Variants in TAFA5 observed in about 807,000 individuals in gnomAD.
The protein encoded by TAFA5 is chemokine-like protein TAFA-5.
In TAFA5, 6 loss-of-function variants were observed where a neutral mutation model predicts 15.3. The ratio of observed to expected loss-of-function variants is 0.39; its 90% CI spans 0.21 to 0.77. The LOEUF (loss-of-function observed/expected upper bound fraction) is 0.77. Ranked by LOEUF, TAFA5 falls within the 30% of genes least tolerant of loss-of-function variation. The pLI is 0.41. For synonymous variants in TAFA5, 103 were observed against 80.7 expected (o/e 1.28, Z -1.48); for missense variants, 161 against 193.1 (o/e 0.83, Z 0.98).
Position 48,722,423 on chromosome 22 carries a change from G to A in TAFA5, c.390+14579G>A, listed in dbSNP as rs528994031. Among the ~76,000 whole-genome samples the A allele has an allele frequency of 3.9e-5, 6 of 152,302 alleles. No homozygotes were observed. The East Asian group carries it at 1.2e-3, about 29-fold the overall frequency. On this transcript the variant is annotated intron_variant, in intron 3 of 3. Coordinates refer to ENST00000402357, the MANE Select transcript of TAFA5 (RefSeq NM_001082967.3). The stretch of plus-strand genomic sequence containing the variant: ...CCTTTGCAGGGACATAGATGAAACT[G>A]GAAACCATCATTCTCAGCAAACTAA...
At chr22:48,630,924 G>A (rs1465149860) in intron 1 of TAFA5, among the ~76,000 whole-genome samples, 1 of 152,206 alleles carries the variant, frequency 6.6e-6, no homozygotes, top group Non-Finnish European at 1.5e-5. Context: ...GGGGGAGCCC[G>A]GCGTGCGTGC....
At position 48,552,823 on chromosome 22, in the gene TAFA5, C is replaced by T. The variant is rs1922903177; in HGVS notation, c.112+63119C>T. On this transcript the variant is annotated intron_variant, in intron 1 of 3. Coordinates refer to ENST00000402357, the MANE Select transcript of TAFA5 (RefSeq NM_001082967.3). The surrounding 1 kb of genome is among the most constrained non-coding windows in gnomAD (Gnocchi z 4.1). ...CTGGGATTGCACCTATATGGGGCTT[C>T]CAGGGCTCACCCCGAGGGAGGAGGC... Among the ~76,000 whole-genome samples, 1 of 152,074 alleles carries T rather than the reference C, an allele frequency of 6.6e-6. No individual in the cohort carries two copies. Among genetic ancestry groups the T allele is most frequent in the South Asian group, 2.1e-4 (1 of 4,822 alleles).
chr22:48,629,604 A>G (rs1047062783), intron 1 of TAFA5, among the ~76,000 whole-genome samples: 7 of 152,158 alleles, frequency 4.6e-5, no homozygotes, highest in Admixed American at 3.3e-4. Context: ...GTTGGGTCAC[A>G]CTGCATGGTC....
chr22:48,682,249 T>C (rs1385840426), intron 2 of TAFA5, among the ~76,000 whole-genome samples: 1 of 152,112 alleles, frequency 6.6e-6, no homozygotes, highest in East Asian at 1.9e-4. Context: ...GACCTGACCT[T>C]AGAACCCAGG....
At chr22:48,575,311 G>T (rs1209172287) in intron 1 of TAFA5, among the ~76,000 whole-genome samples, 3 of 151,420 alleles carry the variant, frequency 2.0e-5, no homozygotes, top group African/African-American at 7.3e-5. Flanking sequence ...GCGCCAGGCG[G>T]GGGCGCTGCA....
intron 1 of TAFA5, among the ~76,000 whole-genome samples, chr22:48,581,863 T>C (rs756754144): frequency 3.3e-5 from 5 of 152,122 alleles, no homozygotes; most frequent in Non-Finnish European, 7.4e-5. Context: ...CCTGTGTTCC[T>C]GGAGAGGGGA....
At chr22:48,691,165 G>C (rs909067408) in intron 2 of TAFA5, among the ~76,000 whole-genome samples, 1 of 152,128 alleles carries the variant, frequency 6.6e-6, no homozygotes, top group Non-Finnish European at 1.5e-5. Flanking sequence ...ACCATTGGTG[G>C]TCAGGGGCTG....
intron 1 of TAFA5, among the ~76,000 whole-genome samples, chr22:48,504,771 T>C (rs1920977409): frequency 6.6e-6 from 1 of 152,166 alleles, no homozygotes; most frequent in Non-Finnish European, 1.5e-5. Context: ...CTTTTCCTAG[T>C]GTCCTGGGAT....
At chr22:48,537,411 A>T (rs1424758943) in intron 1 of TAFA5, among the ~76,000 whole-genome samples, 1 of 152,198 alleles carries the variant, frequency 6.6e-6, no homozygotes, top group Non-Finnish European at 1.5e-5. Flanking sequence ...GATGCCAGGG[A>T]CAAAACCCCA....
rs569136014 is a variant in TAFA5 at position 48,726,191 on chromosome 22, G to C, written c.390+18347G>C. On this transcript the variant is annotated intron_variant, in intron 3 of 3. Coordinates refer to ENST00000402357, the MANE Select transcript of TAFA5 (RefSeq NM_001082967.3). ...TATGAATTTGTTCTCATTTCTATTT[G>C]TTTTGTTGTTTTTGGGCAAAGTAAA... is the stretch of plus-strand genomic sequence containing the variant. Among the ~76,000 whole-genome samples the C allele has an allele frequency of 2.0e-5, 3 of 152,316 alleles. No individual in the cohort carries two copies. The South Asian group carries it at 6.2e-4, about 32-fold the overall frequency.
intron 2 of TAFA5, among the ~76,000 whole-genome samples, chr22:48,690,604 G>A (rs546319894): frequency 6.6e-6 from 1 of 152,252 alleles, no homozygotes; most frequent in East Asian, 1.9e-4. Context: ...TCTTATCTTT[G>A]TGGGCAATTC....
chr22:48,557,346 G>A lies in TAFA5; in HGVS notation c.112+67642G>A, dbSNP rs537577236. Reference sequence around the variant, plus strand: ...CCCTGTGAGGACACAGAGAGAAGACGGCGTCCACAGGCTGAGGAGGGCGGC... The same window carrying A: ...CCCTGTGAGGACACAGAGAGAAGACAGCGTCCACAGGCTGAGGAGGGCGGC... On this transcript the variant is annotated intron_variant, in intron 1 of 3. Coordinates refer to ENST00000402357, the MANE Select transcript of TAFA5 (RefSeq NM_001082967.3). Among the ~76,000 whole-genome samples the A allele has an allele frequency of 7.2e-5, 11 of 152,264 alleles. No individual in the cohort carries two copies. In the East Asian group the frequency reaches 2.1e-3, roughly 29 times the overall value.
rs888765546 is a variant in TAFA5 at position 48,530,237 on chromosome 22, C to T, written c.112+40533C>T. On this transcript the variant is annotated intron_variant, in intron 1 of 3. Transcript: ENST00000402357. The surrounding 1 kb of genome is among the most constrained non-coding windows in gnomAD (Gnocchi z 6.0). ...ACTTGAGTGTAAGTCTCCTCTGCTC[C>T]CCTCCTGTGACATCCGAGCATGGTC... Among the ~76,000 whole-genome samples the T allele has an allele frequency of 6.6e-6, 1 of 152,148 alleles. No homozygotes were observed. The highest frequency in any genetic ancestry group is 2.4e-5 in the African/African-American group (1 of 41,432).
At chr22:48,495,991 C>T (rs753108270) in intron 1 of TAFA5, among the ~76,000 whole-genome samples, 5 of 152,230 alleles carry the variant, frequency 3.3e-5, no homozygotes, top group Non-Finnish European at 5.9e-5. Context: ...CCACATACTC[C>T]GGATTGGACA....
chr22:48,513,403 G>A (rs1569164146), intron 1 of TAFA5, among the ~76,000 whole-genome samples: 1 of 152,234 alleles, frequency 6.6e-6, no homozygotes, highest in Non-Finnish European at 1.5e-5. Flanking sequence ...CATGTGCAGA[G>A]TTGAGTGCAG....
chr22:48,623,240 C>CAT (rs1925904713), intron 1 of TAFA5, among the ~76,000 whole-genome samples: 1 of 146,794 alleles, frequency 6.8e-6, no homozygotes, highest in African/African-American at 2.5e-5. Context: ...TGGGACGGGA[C>CAT]GTGCCGCGTG....
At chr22:48,680,201 C>T (rs130096) in intron 2 of TAFA5, among the ~76,000 whole-genome samples, 95,048 of 152,230 alleles carry the variant, frequency 0.62, 30,958 homozygotes, top group Non-Finnish European at 0.74. Context: ...GCCCTGGCTC[C>T]GGCCTGTCTT....
intron 2 of TAFA5, among the ~76,000 whole-genome samples, chr22:48,673,477 T>C (rs907871300): frequency 1.3e-5 from 2 of 152,160 alleles, no homozygotes; most frequent in Non-Finnish European, 2.9e-5. Flanking sequence ...CCTCTGCCTC[T>C]GCAGCAGGCT....
chr22:48,616,031 C>G (rs1925591235), intron 1 of TAFA5, among the ~76,000 whole-genome samples: 1 of 152,140 alleles, frequency 6.6e-6, no homozygotes, highest in South Asian at 2.1e-4. Flanking sequence ...CCTACTGGTT[C>G]TGTGGGGTGC....
Sources: gnomAD v4.1 joint callset for allele counts (sites outside exome capture counted in the v4.1 genomes callset) on GRCh38, gnomAD v4.1.1 for gene constraint, Gnocchi (gnomAD v3.1) non-coding constraint, MANE v1.5 for transcripts, NCBI Gene and HGNC (gene_info 2026-07-23, HGNC 2026-07-21) for gene names.